Variants in BCAR3 observed in about 807,000 individuals in gnomAD.
BCAR3 encodes the protein breast cancer anti-estrogen resistance protein 3.
BCAR3 carries 37 observed loss-of-function variants against 80.1 expected under a neutral mutation model. The observed-to-expected ratio is 0.46, with a 90% confidence interval of 0.36 to 0.61. The LOEUF (loss-of-function observed/expected upper bound fraction) is 0.61. Among genes scored for constraint, BCAR3 ranks in the 20% least tolerant of loss-of-function variants. BCAR3 has a pLI of 0.00. For synonymous variants in BCAR3, 389 were observed against 418.9 expected (o/e 0.93, Z 0.87); for missense variants, 978 against 1,068.2 (o/e 0.92, Z 1.18).
chr1:93,721,392 G>A (rs1023271450), intron 2 of BCAR3, among the ~76,000 whole-genome samples: 1 of 152,088 alleles, frequency 6.6e-6, no homozygotes, highest in Admixed American at 6.5e-5. Flanking sequence ...AAGAATCCTG[G>A]CATCCCTTAG....
At chr1:93,668,339 A>T (rs933387973) in intron 2 of BCAR3, among the ~76,000 whole-genome samples, 23 of 152,174 alleles carry the variant, frequency 1.5e-4, no homozygotes, top group African/African-American at 5.1e-4. Context: ...GACAACCATC[A>T]GACAGCTGGT....
At chr1:93,582,271 C>T (rs1375485146) in intron 7 of BCAR3, 30 bp downstream of exon 7, 2 of 1,595,050 alleles carry the variant, frequency 1.3e-6, no homozygotes, top group South Asian at 2.3e-5. Context: ...CTTGAAAAGC[C>T]AGAGGAGCAC....
intron 2 of BCAR3, among the ~76,000 whole-genome samples, chr1:93,733,647 A>G (rs1407238699): frequency 6.6e-6 from 1 of 152,222 alleles, no homozygotes; most frequent in African/African-American, 2.4e-5. Flanking sequence ...ACTTCAGCAC[A>G]GCTGGATGAT....
intron 3 of BCAR3, chr1:93,614,245 C>G: frequency 1.1e-6 from 1 of 939,512 alleles, no homozygotes; most frequent in Non-Finnish European, 1.3e-6. Flanking sequence ...TAGAAGAGGC[C>G]TTGGGCTTTA....
chr1:93,732,860 G>C (rs1650840326), intron 2 of BCAR3, among the ~76,000 whole-genome samples: 1 of 152,214 alleles, frequency 6.6e-6, no homozygotes, highest in Non-Finnish European at 1.5e-5. Flanking sequence ...CTTTGATACA[G>C]ACTGAGAACT....
intron 2 of BCAR3, among the ~76,000 whole-genome samples, chr1:93,807,894 G>T (rs1473992683): frequency 7.2e-5 from 11 of 151,990 alleles, no homozygotes; most frequent in South Asian, 2.1e-4. Flanking sequence ...AATTAGCCAG[G>T]TGTGGTGGTA....
chr1:93,722,119 G>C (rs1431205908), intron 2 of BCAR3, among the ~76,000 whole-genome samples: 1 of 152,214 alleles, frequency 6.6e-6, no homozygotes, highest in Non-Finnish European at 1.5e-5. Context: ...GGTCCCATGG[G>C]GGAGGGGCGG....
intron 2 of BCAR3, among the ~76,000 whole-genome samples, chr1:93,811,796 A>G (rs1162722515): frequency 6.6e-6 from 1 of 152,200 alleles, no homozygotes; most frequent in African/African-American, 2.4e-5. Context: ...TACATTCTGG[A>G]GTGTGCTAGA....
chr1:93,814,934 A>T (rs1425949138), intron 2 of BCAR3, among the ~76,000 whole-genome samples: 2 of 152,210 alleles, frequency 1.3e-5, no homozygotes, highest in African/African-American at 4.8e-5. Flanking sequence ...CATTTTCTGT[A>T]CAACCTCAGA....
At chr1:93,687,338 C>T (rs947840998) in intron 3 of BCAR3, among the ~76,000 whole-genome samples, 8 of 152,072 alleles carry the variant, frequency 5.3e-5, no homozygotes, top group African/African-American at 1.2e-4. Context: ...GATGGAGTCT[C>T]GCTCTGTCAC....
intron 3 of BCAR3, among the ~76,000 whole-genome samples, chr1:93,603,260 C>G (rs184458068): frequency 6.6e-6 from 1 of 152,390 alleles, no homozygotes; most frequent in African/African-American, 2.4e-5. Flanking sequence ...CCAGTGGGCA[C>G]ATGGTGGCCT....
At chr1:93,820,719 T>C (rs530660556) in intron 2 of BCAR3, among the ~76,000 whole-genome samples, 2 of 152,262 alleles carry the variant, frequency 1.3e-5, no homozygotes, top group South Asian at 4.1e-4. Context: ...ATAGGCATGA[T>C]TGATTAAATC....
At chr1:93,616,772 T>C (rs1381627398) in intron 3 of BCAR3, among the ~76,000 whole-genome samples, 1 of 152,108 alleles carries the variant, frequency 6.6e-6, no homozygotes, top group East Asian at 1.9e-4. Flanking sequence ...GGGGAGGGCA[T>C]TTCTAAGGAA....
At chr1:93,699,649 C>T (rs934021496) in intron 3 of BCAR3, among the ~76,000 whole-genome samples, 1 of 152,198 alleles carries the variant, frequency 6.6e-6, no homozygotes, top group African/African-American at 2.4e-5. Flanking sequence ...TTTCAACCCA[C>T]TGCTCAAACA....
At chr1:93,761,677 A>T (rs922460550) in intron 2 of BCAR3, among the ~76,000 whole-genome samples, 1 of 152,160 alleles carries the variant, frequency 6.6e-6, no homozygotes, top group African/African-American at 2.4e-5. Context: ...AGCTCAAGCC[A>T]GCCAAGCCAG....
At chr1:93,579,915 T>A (rs1411483400) in intron 7 of BCAR3, among the ~76,000 whole-genome samples, 3 of 152,248 alleles carry the variant, frequency 2.0e-5, no homozygotes, top group African/African-American at 7.2e-5. Flanking sequence ...CCAAACAGGT[T>A]AAGCTCGCTT....
At chr1:93,730,652 C>G (rs1650754131) in intron 2 of BCAR3, among the ~76,000 whole-genome samples, 1 of 152,208 alleles carries the variant, frequency 6.6e-6, no homozygotes. Context: ...AGGTCTGTGG[C>G]ACCAACCTGG....
At chr1:93,840,719 C>T (rs1411904595) in intron 2 of BCAR3, among the ~76,000 whole-genome samples, 2 of 152,158 alleles carry the variant, frequency 1.3e-5, no homozygotes, top group African/African-American at 4.8e-5. Flanking sequence ...ATGGAGTGTC[C>T]ACTGTGTACA....
intron 2 of BCAR3, among the ~76,000 whole-genome samples, chr1:93,845,212 T>C (rs1238834859): frequency 2.0e-5 from 3 of 151,942 alleles, no homozygotes; most frequent in Non-Finnish European, 4.4e-5. Flanking sequence ...CCAGGCAGAA[T>C]TCCTCTGTAT....
Sources: gnomAD v4.1 joint callset for allele counts (sites outside exome capture counted in the v4.1 genomes callset) on GRCh38, gnomAD v4.1.1 for gene constraint, MANE v1.5 for transcripts, NCBI Gene and HGNC (gene_info 2026-07-23, HGNC 2026-07-21) for gene names.